Variants in H2BC12 observed in about 807,000 individuals in gnomAD.
H2BC12 encodes histone H2B type 1-K.
Under a neutral mutation model 6.3 loss-of-function variants are expected in H2BC12, and 6 were observed. That is an observed-to-expected ratio of 0.95 (90% CI 0.52 to 1.87). H2BC12 has a LOEUF of 1.87. Among genes scored for constraint, H2BC12 ranks in the 40% most tolerant of loss-of-function variants. H2BC12 has a pLI of 0.01. For synonymous variants in H2BC12, 132 were observed against 78.5 expected, an observed-to-expected ratio of 1.68 and a Z score of -3.60; for missense variants, 119 against 178.4, an observed-to-expected ratio of 0.67 and a Z score of 1.90.
Position 27,146,497 on chromosome 6 carries a change from AGGCGCACG to A in H2BC12, c.294_301del (p.Val99AlafsTer25), listed in dbSNP as rs1760084808. On this transcript the variant is annotated frameshift_variant, in exon 1 of 1. Transcript: ENST00000356950. LOFTEE classifies it high-confidence loss of function. ...CTTGGCCAACTCCCCGGGCAGCAGC[AGGCGCACG>A]GCCGTCTGGATCTCCCTGGAGGTGA... 6.2e-7 allele frequency: 1 copy of A among 1,614,136 alleles called. No individual in the cohort carries two copies. Among genetic ancestry groups the A allele is most frequent in the Admixed American group, 1.7e-5 (1 of 60,002 alleles).
chr6:27,142,636 C>CTTTTTTTTTTTTTT (rs759784250), downstream of H2BC12, among the ~76,000 whole-genome samples: 1 of 100,292 alleles, frequency 1.0e-5, no homozygotes, highest in Non-Finnish European at 1.8e-5. Flanking sequence ...TCCCCCCCTC[C>CTTTTTTTTTTTTTT]TTTTTTTTTT....
chr6:27,142,567 T>A (rs1239747066), downstream of H2BC12, among the ~76,000 whole-genome samples: 3 of 151,798 alleles, frequency 2.0e-5, no homozygotes, highest in African/African-American at 7.3e-5. Context: ...CCCAGACAAT[T>A]TTTTTTAACT....
chr6:27,141,485 G>T (rs1431236762), downstream of H2BC12, among the ~76,000 whole-genome samples: 1 of 151,976 alleles, frequency 6.6e-6, no homozygotes, highest in Non-Finnish European at 1.5e-5. Context: ...GATTCAAATT[G>T]CCCCGAACAT....
rs1014668981 is a variant in H2BC12, at chr6:27,146,409, T to C, written c.*9A>G. 2 of 1,614,122 alleles carry C rather than the reference T, an allele frequency of 1.2e-6. No individual in the cohort carries two copies. Among genetic ancestry groups the C allele is most frequent in the East Asian group, 2.2e-5 (1 of 44,906 alleles). ...TGGGGTTGGGCTTTAAGACGCTTAC[T>C]TGGCAAGTTTACTTAGCGCTGGTGT... On this transcript the variant is annotated 3_prime_UTR_variant, in exon 1 of 1. Transcript: ENST00000356950.
At chr6:27,139,510 C>T in the H2BC12 span, 13 of 1,612,802 alleles carry the variant, frequency 8.1e-6, no homozygotes, top group East Asian at 2.0e-4. Context: ...GAACGTGATC[C>T]GGGACGCCGT....
At chr6:27,145,535 T>A (rs1057497586), downstream of H2BC12, among the ~76,000 whole-genome samples, 4 of 152,182 alleles carry the variant, frequency 2.6e-5, no homozygotes, top group African/African-American at 9.7e-5. Context: ...CACCTAACAC[T>A]TAGCTCAAAC....
At chr6:27,140,163 TTA>T in the H2BC12 span, among the ~76,000 whole-genome samples, 29 of 152,090 alleles carry the variant, frequency 1.9e-4, no homozygotes, top group Non-Finnish European at 3.4e-4. Flanking sequence ...TAATATTCCT[TTA>T]TATGTTTGCC....
At chr6:27,146,169 C>A (rs1227529327), downstream of H2BC12, among the ~76,000 whole-genome samples, 1 of 152,222 alleles carries the variant, frequency 6.6e-6, no homozygotes, top group African/African-American at 2.4e-5. Flanking sequence ...TCCTGCACAT[C>A]CCTAATTTTT....
chr6:27,140,018 T>C, the H2BC12 span: 2 of 176,656 alleles, frequency 1.1e-5, no homozygotes, highest in Non-Finnish European at 2.5e-5. Context: ...CACTAAATGC[T>C]AGAACCTCCA....
At chr6:27,144,705 A>G (rs1760049601), downstream of H2BC12, among the ~76,000 whole-genome samples, 1 of 152,200 alleles carries the variant, frequency 6.6e-6, no homozygotes, top group African/African-American at 2.4e-5. Flanking sequence ...AAAGGTAATA[A>G]CAGCAGATAG....
At chr6:27,139,649 A>T in the H2BC12 span, 10 of 1,578,270 alleles carry the variant, frequency 6.3e-6, no homozygotes, top group Non-Finnish European at 8.6e-6. Flanking sequence ...GTCATTCTCT[A>T]AAAAGGCCCT....
downstream of H2BC12, among the ~76,000 whole-genome samples, chr6:27,145,907 G>C (rs1760070047): frequency 6.6e-6 from 1 of 152,204 alleles, no homozygotes; most frequent in African/African-American, 2.4e-5. Context: ...AGCAAAGCAA[G>C]GCAGAGCTGG....
chr6:27,139,670 C>T, the H2BC12 span: 2 of 1,541,448 alleles, frequency 1.3e-6, no homozygotes, highest in Non-Finnish European at 1.7e-6. Flanking sequence ...TTTTAGGGCC[C>T]CTAAGCTTTC....
At chr6:27,139,975 T>G in the H2BC12 span, 1 of 234,348 alleles carries the variant, frequency 4.3e-6, no homozygotes, top group Admixed American at 5.2e-5. Context: ...GACCTTCAAA[T>G]ACGTCTCAGG....
At chr6:27,142,617 G>A (rs1377935705), downstream of H2BC12, among the ~76,000 whole-genome samples, 1 of 142,452 alleles carries the variant, frequency 7.0e-6, no homozygotes, top group Non-Finnish European at 1.5e-5. Context: ...CATGTATGAC[G>A]TATTACATTC....
At chr6:27,145,994 A>G (rs1288089489), downstream of H2BC12, among the ~76,000 whole-genome samples, 1 of 152,192 alleles carries the variant, frequency 6.6e-6, no homozygotes, top group Non-Finnish European at 1.5e-5. Flanking sequence ...CGGGAACCAA[A>G]TTTACTAATA....
At chr6:27,146,305 G>T, downstream of H2BC12, 4 of 1,524,542 alleles carry the variant, frequency 2.6e-6, no homozygotes, top group Non-Finnish European at 3.6e-6. Flanking sequence ...TAAAAAGATC[G>T]CCCGAATTTA....
the H2BC12 span, chr6:27,139,934 A>C: frequency 5.9e-6 from 2 of 339,252 alleles, no homozygotes; most frequent in East Asian, 1.1e-4. Context: ...CGGTCCAAAT[A>C]GGGGCGGGCT....
chr6:27,143,428 A>T (rs1031608476), downstream of H2BC12, among the ~76,000 whole-genome samples: 1 of 152,050 alleles, frequency 6.6e-6, no homozygotes, highest in Non-Finnish European at 1.5e-5. Context: ...CTGTACTTAT[A>T]CCTCAGGTAA....
Sources: allele counts gnomAD v4.1 joint callset (sites outside exome capture counted in the v4.1 genomes callset), GRCh38; gene constraint gnomAD v4.1.1; transcripts MANE v1.5; gene names NCBI Gene and HGNC (gene_info 2026-07-23, HGNC 2026-07-21).